Variants in TXK observed in about 807,000 individuals in gnomAD.
TXK encodes the protein TXK tyrosine kinase.
TXK carries 60 observed loss-of-function variants against 81.0 expected under a neutral mutation model. The ratio of observed to expected loss-of-function variants is 0.74; its 90% CI spans 0.60 to 0.92. The LOEUF is 0.92. Among genes scored for constraint, TXK ranks in the 40% least tolerant of loss-of-function variants. The pLI is 0.00. For synonymous variants in TXK, 203 were observed against 210.7 expected, an observed-to-expected ratio of 0.96 and a Z score of 0.32; for missense variants, 581 against 638.3, an observed-to-expected ratio of 0.91 and a Z score of 0.97.
At chr4:48,080,668 A>T (rs537485630) in intron 10 of TXK, among the ~76,000 whole-genome samples, 43,367 of 140,214 alleles carry the variant, frequency 0.31, 7,288 homozygotes, top group Admixed American at 0.39. Context: ...GTAATCACAC[A>T]CACACACACA....
In TXK at chr4:48,110,585, T is replaced by C; in HGVS notation, c.399A>G (p.Pro133=). Residue 133 remains proline (P), a synonymous_variant, in exon 5 of 15, where the codon CCA becomes CCG. Coordinates refer to ENST00000264316, the MANE Select transcript of TXK (RefSeq NM_003328.3). ...RDRLGNEGLI[P]SNYVTENKIT... ...TTTTGTTTTCAGTCACATAGTTGCT[T>C]GGGATTAAGCCTTCATTCCTACAAC... 1 of 1,612,394 alleles carries C rather than the reference T, an allele frequency of 6.2e-7. No individual in the cohort carries two copies. Among genetic ancestry groups the C allele is most frequent in the Non-Finnish European group, 8.5e-7 (1 of 1,178,830 alleles).
chr4:48,126,109 A>G (rs1433550296), intron 1 of TXK, among the ~76,000 whole-genome samples: 1 of 152,282 alleles, frequency 6.6e-6, no homozygotes, highest in Non-Finnish European at 1.5e-5. Flanking sequence ...AAATTTAAAT[A>G]GTTTGACACT....
intron 8 of TXK, among the ~76,000 whole-genome samples, chr4:48,091,907 C>T (rs1462344073): frequency 1.3e-5 from 2 of 152,262 alleles, no homozygotes; most frequent in African/African-American, 4.8e-5. Flanking sequence ...TGCAGTTGTC[C>T]AAGTGAGCAA....
intron 6 of TXK, among the ~76,000 whole-genome samples, chr4:48,101,165 A>T (rs1209100868): frequency 6.6e-6 from 1 of 152,092 alleles, no homozygotes; most frequent in Non-Finnish European, 1.5e-5. Context: ...ATAAATAAAA[A>T]TTATAGGATA....
chr4:48,120,692 T>C (rs1718934941), intron 1 of TXK, among the ~76,000 whole-genome samples: 1 of 152,090 alleles, frequency 6.6e-6, no homozygotes, highest in East Asian at 1.9e-4. Context: ...GGTTTCACCA[T>C]TTTGGCTAGG....
At chr4:48,113,478 A>T (rs556341359) in intron 2 of TXK, among the ~76,000 whole-genome samples, 169 bp from the exon 3 acceptor site, 10 of 152,312 alleles carry the variant, frequency 6.6e-5, no homozygotes, top group African/African-American at 2.4e-4. Context: ...TGGTTTTAAG[A>T]ACTTAAGTTT....
intron 8 of TXK, among the ~76,000 whole-genome samples, chr4:48,092,447 C>T (rs1717813974): frequency 1.3e-5 from 2 of 152,152 alleles, no homozygotes. Context: ...CACCACTGTA[C>T]TGTCAATATA....
intron 1 of TXK, among the ~76,000 whole-genome samples, chr4:48,115,655 T>C (rs1718786458): frequency 6.6e-6 from 1 of 152,122 alleles, no homozygotes; most frequent in Non-Finnish European, 1.5e-5. Flanking sequence ...GAGATCAGCC[T>C]GGGCAACATG....
At chr4:48,120,191 A>T (rs534322282) in intron 1 of TXK, among the ~76,000 whole-genome samples, 1 of 94,372 alleles carries the variant, frequency 1.1e-5, no homozygotes, top group Non-Finnish European at 3.0e-5. Context: ...GTATATATAC[A>T]TACACACATA....
chr4:48,113,661 C>T (rs764739372), intron 2 of TXK, among the ~76,000 whole-genome samples: 3 of 152,086 alleles, frequency 2.0e-5, no homozygotes, highest in African/African-American at 4.8e-5. Context: ...ATATGCATTA[C>T]CTCATTTGAT....
Position 48,071,602 on chromosome 4 carries a change from T to A in TXK, c.1430A>T (p.Glu477Val), listed in dbSNP as rs374008159. 3 of 1,614,088 alleles carry A rather than the reference T, an allele frequency of 1.9e-6. No homozygotes were observed. Among genetic ancestry groups the A allele is most frequent in the Admixed American group, 1.7e-5 (1 of 59,998 alleles). ...TAGCCTGAAGCCTTCAGAAATAGCT[T>A]CCACGACTTGCAAATTTGACTTATT... ...FENKSNLQVVEAISEGFRLYR... is the reference protein window; with the variant it reads ...FENKSNLQVVVAISEGFRLYR... Residue 477 changes from glutamate (E) to valine (V), a missense_variant, in exon 14 of 15, where the codon GAA becomes GTA. Coordinates refer to ENST00000264316, the MANE Select transcript of TXK (RefSeq NM_003328.3).
At chr4:48,101,141 T>C (rs1176769670) in intron 6 of TXK, among the ~76,000 whole-genome samples, 1 of 152,084 alleles carries the variant, frequency 6.6e-6, no homozygotes, top group Non-Finnish European at 1.5e-5. Flanking sequence ...ACATACTCAC[T>C]ATTGAAATAT....
Position 48,079,984 on chromosome 4 carries a change from T to C in TXK, c.1101A>G (p.Leu367=), listed in dbSNP as rs947698650. ...CACATATATCCTGGCATACACTCAGTAGCATTTCCTTCCTAAGCTTTCCTT... is the reference window on the plus strand; with the variant it reads ...CACATATATCCTGGCATACACTCAGCAGCATTTCCTTCCTAAGCTTTCCTT... The part of the protein sequence containing the change: ...ENKGKLRKEM[L]LSVCQDICEG... The change falls in exon 11 of 15, where the codon CTA becomes CTG. Residue 367 remains leucine (L), a synonymous_variant. Transcript: ENST00000264316. 7 of 1,614,074 alleles carry C rather than the reference T, an allele frequency of 4.3e-6. No individual in the cohort carries two copies. Among genetic ancestry groups the C allele is most frequent in the South Asian group, 2.2e-5 (2 of 91,078 alleles).
In TXK at chr4:48,120,869, G is replaced by GAA. The variant is rs11445034; in HGVS notation, c.17-6469_17-6468dup. Reference sequence around the variant, plus strand: ...CAGGCTGTCATCTCTACCACTTCTAGAAAAAAAAAACAAAACTGCTCTTGT... The same window carrying GAA: ...CAGGCTGTCATCTCTACCACTTCTAGAAAAAAAAAAAACAAAACTGCTCTTGT... On this transcript the variant is annotated intron_variant, in intron 1 of 14. Coordinates refer to ENST00000264316, the MANE Select transcript of TXK (RefSeq NM_003328.3). Among the ~76,000 whole-genome samples the GAA allele has an allele frequency of 4.0e-3, 591 of 147,544 alleles. 2 individuals carry two copies. Among genetic ancestry groups the GAA allele is most frequent in the African/African-American group, 3.9e-3 (155 of 40,188 alleles).
In TXK at chr4:48,066,786, CA is replaced by C. The variant is rs1316466343; in HGVS notation, c.*850del. 1 of 152,188 alleles carries C rather than the reference CA, an allele frequency of 6.6e-6. No homozygotes were observed. Among genetic ancestry groups the C allele is most frequent in the Non-Finnish European group, 1.5e-5 (1 of 68,024 alleles). 9.4% of individuals were successfully genotyped at this position (152,188 alleles called of 1,614,324 possible). On this transcript the variant is annotated 3_prime_UTR_variant, in exon 15 of 15. Coordinates refer to ENST00000264316, the MANE Select transcript of TXK (RefSeq NM_003328.3). The stretch of plus-strand genomic sequence containing the variant: ...TTTCCGAAACAATGGAGCTTGATGT[CA>C]CATTTGGCTATCTTGCTTTTGTCTC...
intron 5 of TXK, among the ~76,000 whole-genome samples, chr4:48,106,386 G>A (rs1718459609): frequency 7.7e-6 from 1 of 130,228 alleles, no homozygotes; most frequent in South Asian, 2.3e-4. Context: ...AAAGTTAGAA[G>A]GGTTTTTTTT....
chr4:48,118,496 C>T (rs182394108), intron 1 of TXK, among the ~76,000 whole-genome samples: 4 of 152,186 alleles, frequency 2.6e-5, no homozygotes, highest in African/African-American at 9.7e-5. Context: ...AAAACTAGTA[C>T]GCATGACTGA....
chr4:48,093,160 C>A (rs953165722), intron 8 of TXK, among the ~76,000 whole-genome samples: 1 of 152,202 alleles, frequency 6.6e-6, no homozygotes, highest in Non-Finnish European at 1.5e-5. Context: ...ATTTTACCCT[C>A]ACTCCTTAAC....
At chr4:48,121,157 C>T (rs563098707) in intron 1 of TXK, among the ~76,000 whole-genome samples, 1 of 152,324 alleles carries the variant, frequency 6.6e-6, no homozygotes, top group East Asian at 1.9e-4. Context: ...TATCTATCAG[C>T]TGATGACATC....
Sources: gnomAD v4.1 joint callset for allele counts (sites outside exome capture counted in the v4.1 genomes callset) on GRCh38, gnomAD v4.1.1 for gene constraint, MANE v1.5 for transcripts, NCBI Gene and HGNC (gene_info 2026-07-23, HGNC 2026-07-21) for gene names.